Variants in DMXL2 observed in about 807,000 individuals in gnomAD.
The protein encoded by DMXL2 is dmX-like protein 2.
DMXL2 carries 103 observed loss-of-function variants against 331.1 expected under a neutral mutation model. The ratio of observed to expected loss-of-function variants is 0.31; its 90% CI spans 0.27 to 0.37. The LOEUF (loss-of-function observed/expected upper bound fraction) is 0.37. Ranked by LOEUF, DMXL2 falls within the 10% of genes least tolerant of loss-of-function variation. DMXL2 has a pLI of 1.00. For missense variants in DMXL2, 3,171 were observed against 3,642.9 expected (o/e 0.87, Z 3.33); for synonymous variants, 1,281 against 1,252.1 (o/e 1.02, Z -0.49).
chr15:51,592,137 G>A (rs1298709235), intron 1 of DMXL2, among the ~76,000 whole-genome samples: 1 of 151,830 alleles, frequency 6.6e-6, no homozygotes, highest in Non-Finnish European at 1.5e-5. Flanking sequence ...GAGAACGTTC[G>A]AACCCATGGC....
intron 15 of DMXL2, among the ~76,000 whole-genome samples, chr15:51,511,223 C>G (rs558338412): frequency 7.9e-5 from 12 of 152,134 alleles, no homozygotes; most frequent in Non-Finnish European, 1.6e-4. Flanking sequence ...AGCTTCTGCA[C>G]AGCAAAAGAA....
rs1164957985 is a variant in DMXL2 at position 51,499,539 on chromosome 15, T to C, written c.3685A>G (p.Arg1229Gly). The change falls in exon 18 of 44, where the codon AGA (arginine) becomes GGA (glycine). Residue 1229 changes from arginine to glycine, a missense_variant. Transcript: ENST00000560891. ...GGSIKQGVKSRWVLLRSIDLV... is the reference protein window; with the variant it reads ...GGSIKQGVKSGWVLLRSIDLV... ...TCTATAGATCTAAGAAGAACCCATC[T>C]TGACTTAACTCCTTGCTTGATACTA... 1.9e-6 allele frequency: 3 copies of C among 1,614,182 alleles called. No individual in the cohort carries two copies. Among genetic ancestry groups the C allele is most frequent in the Non-Finnish European group, 2.5e-6 (3 of 1,180,026 alleles).
At chr15:51,524,963 C>G (rs2047585486) in intron 13 of DMXL2, among the ~76,000 whole-genome samples, 1 of 151,742 alleles carries the variant, frequency 6.6e-6, no homozygotes, top group Non-Finnish European at 1.5e-5. Flanking sequence ...CCAGGCTGTA[C>G]AACTCACGGC....
intron 39 of DMXL2, among the ~76,000 whole-genome samples, 163 bp from the exon 40 acceptor site, chr15:51,455,391 T>C (rs2039533872): frequency 6.6e-6 from 1 of 152,176 alleles, no homozygotes; most frequent in African/African-American, 2.4e-5. Context: ...AAAAATTCCC[T>C]GTCACTTTTT....
At chr15:51,498,468 C>CA (rs1228298075) in intron 18 of DMXL2, 84 bp downstream of exon 18, 1 of 1,370,152 alleles carries the variant, frequency 7.3e-7, no homozygotes, top group East Asian at 2.3e-5. Context: ...GTTGAGACTG[C>CA]AATTCAGTAA....
At chr15:51,460,719 T>C (rs1286466482) in intron 33 of DMXL2, 1 of 152,238 alleles carries the variant, frequency 6.6e-6, no homozygotes, top group Non-Finnish European at 1.5e-5. Context: ...ATGTAAGCAC[T>C]CTTACTGGAT....
At position 51,610,717 on chromosome 15, in the gene DMXL2, G is replaced by A. The variant is rs533320904; in HGVS notation, c.87+11742C>T. ...CAGGAGACAGAGCTTGCAGTGAGCC[G>A]AGATCGCGCCACTGCACTCCAGCCT... On this transcript the variant is annotated intron_variant, in intron 1 of 43. Transcript: ENST00000560891. Among the ~76,000 whole-genome samples, 7 of 151,080 alleles carry A rather than the reference G, an allele frequency of 4.6e-5. No homozygotes were observed. The East Asian group carries it at 7.8e-4, about 17-fold the overall frequency.
chr15:51,480,154 G>T lies in DMXL2; in HGVS notation c.6565-15C>A. On this transcript the variant is annotated splice_polypyrimidine_tract_variant and intron_variant, in intron 24 of 43. Transcript: ENST00000560891. The stretch of plus-strand genomic sequence containing the variant: ...ACTGTAGTTTCCTGTGGGTGATAGT[G>T]AATTATTTTTTTCAAAGTAGTTTAA... 2 of 1,493,010 alleles carry T rather than the reference G, an allele frequency of 1.3e-6. No individual in the cohort carries two copies. Among genetic ancestry groups the T allele is most frequent in the South Asian group, 2.7e-5 (2 of 73,090 alleles). The allele number at this position is 1,493,010 out of a possible 1,614,324, so 92.5% of individuals were successfully genotyped here.
chr15:51,568,225 A>C, intron 3 of DMXL2: 1 of 322,844 alleles, frequency 3.1e-6, no homozygotes, highest in Non-Finnish European at 5.6e-6. Flanking sequence ...CCAGACAAGA[A>C]ATAACAGTAG....
chr15:51,563,392 T>C lies in DMXL2; in HGVS notation c.556A>G (p.Thr186Ala), dbSNP rs775711307. 2.5e-6 allele frequency: 4 copies of C among 1,606,802 alleles called. No homozygotes were observed. The highest frequency in any genetic ancestry group is 1.3e-5 in the African/African-American group (1 of 74,510). The change falls in exon 6 of 44, where the codon ACT (threonine) becomes GCT (alanine). Residue 186 changes from threonine to alanine, a missense_variant. Transcript: ENST00000560891. ...GTTTGATCCTTTACCTTTCCAGCAG[T>C]AGCAAAATATTCACCATCAGGAGAC... Reference protein sequence around the residue: ...EWSPDGEYFATAGKDDCLLKV... With the variant: ...EWSPDGEYFAAAGKDDCLLKV...
At chr15:51,496,571 T>A (rs2043196081) in intron 18 of DMXL2, among the ~76,000 whole-genome samples, 1 of 152,222 alleles carries the variant, frequency 6.6e-6, no homozygotes, top group Non-Finnish European at 1.5e-5. Flanking sequence ...CCAGTATATG[T>A]TGAGCAAAGG....
At chr15:51,589,504 C>T (rs937974333) in intron 1 of DMXL2, among the ~76,000 whole-genome samples, 5 of 152,146 alleles carry the variant, frequency 3.3e-5, no homozygotes, top group Non-Finnish European at 7.3e-5. Flanking sequence ...TAGGGATATA[C>T]AGAGCAGGGC....
At position 51,480,799 on chromosome 15, in the gene DMXL2, A is replaced by C; in HGVS notation, c.6307T>G (p.Ser2103Ala). ...VIKEYSSKTYSKVESDLLDQE... is the reference protein window; with the variant it reads ...VIKEYSSKTYAKVESDLLDQE... ...TCCAGCAGATCACTCTCTACTTTGG[A>C]ATATGTCTTACTGGAATACTCTTTA... is the stretch of plus-strand genomic sequence containing the variant. Residue 2103 changes from serine to alanine, a missense_variant, in exon 24 of 44, where the codon TCC becomes GCC. Coordinates refer to ENST00000560891, the MANE Select transcript of DMXL2 (RefSeq NM_001378457.1). The C allele has an allele frequency of 1.9e-6, 3 of 1,608,658 alleles. No homozygotes were observed. Among genetic ancestry groups the C allele is most frequent in the Non-Finnish European group, 2.5e-6 (3 of 1,177,196 alleles).
Position 51,498,830 on chromosome 15 carries a change from T to G in DMXL2, c.4394A>C (p.Glu1465Ala). Reference sequence around the variant, plus strand: ...TTGAAACAGCTCTGAATACTGATCCTCTGGTTGACTTACTGTCTGATCTTC... The same window carrying G: ...TTGAAACAGCTCTGAATACTGATCCGCTGGTTGACTTACTGTCTGATCTTC... Reference protein sequence around the residue: ...SYEDQTVSQPEDQYSELFQIQ... With the variant: ...SYEDQTVSQPADQYSELFQIQ... Residue 1465 changes from glutamate (E) to alanine (A), a missense_variant, in exon 18 of 44, where the codon GAG becomes GCG. Physicochemically the swap from Glu to Ala is moderately radical, Grantham distance 107. Coordinates refer to ENST00000560891, the MANE Select transcript of DMXL2 (RefSeq NM_001378457.1). 1 of 1,614,212 alleles carries G rather than the reference T, an allele frequency of 6.2e-7. No individual in the cohort carries two copies. Among genetic ancestry groups the G allele is most frequent in the Non-Finnish European group, 8.5e-7 (1 of 1,180,032 alleles).
At chr15:51,582,744 G>A (rs1348373681) in intron 1 of DMXL2, among the ~76,000 whole-genome samples, 1 of 152,072 alleles carries the variant, frequency 6.6e-6, no homozygotes, top group Non-Finnish European at 1.5e-5. Context: ...TTGAAATCAT[G>A]TACAAGGTAA....
intron 39 of DMXL2, 97 bp downstream of exon 39, chr15:51,455,969 G>T: frequency 7.2e-7 from 1 of 1,387,714 alleles, no homozygotes; most frequent in Non-Finnish European, 1.0e-6. Context: ...TTAAATCCAG[G>T]GTCACTGAAT....
chr15:51,494,535 T>A lies in DMXL2; in HGVS notation c.4783+489A>T, dbSNP rs531552419. 3.9e-5 allele frequency among the ~76,000 whole-genome samples: 6 copies of A among 152,308 alleles called. 1 individual carries two copies. The South Asian group carries it at 1.2e-3, about 32-fold the overall frequency. ...GAAGGCTGATATAAATCCTTATGTC[T>A]CAAATCAGGTGTAGCAGTATGCCTG... On this transcript the variant is annotated intron_variant, in intron 19 of 43. Transcript: ENST00000560891.
At chr15:51,452,869 A>G (rs763787549) in intron 41 of DMXL2, among the ~76,000 whole-genome samples, 14 of 152,270 alleles carry the variant, frequency 9.2e-5, no homozygotes, top group Non-Finnish European at 1.8e-4. Flanking sequence ...ACAAATGGAT[A>G]AAGAAAATGT....
intron 13 of DMXL2, among the ~76,000 whole-genome samples, chr15:51,519,551 T>C (rs897695683): frequency 2.6e-5 from 4 of 152,126 alleles, no homozygotes; most frequent in African/African-American, 7.2e-5. Context: ...TATAGTTTTA[T>C]TTTTCTGGCT....
Sources: allele counts gnomAD v4.1 joint callset (sites outside exome capture counted in the v4.1 genomes callset), GRCh38; gene constraint gnomAD v4.1.1; transcripts MANE v1.5; gene names NCBI Gene and HGNC (gene_info 2026-07-23, HGNC 2026-07-21).